The following PKD2L2 variants were observed in gnomAD, a reference collection of about 807,000 sequenced individuals.
PKD2L2 encodes polycystin-2-like protein 2.
Under a neutral mutation model 83.9 loss-of-function variants are expected in PKD2L2, and 67 were observed. The observed-to-expected ratio is 0.80, with a 90% CI of 0.66 to 0.98. The LOEUF (loss-of-function observed/expected upper bound fraction) is 0.98, where lower values mean the gene tolerates loss of function less well. Ranked by LOEUF, PKD2L2 falls within the 50% of genes least tolerant of loss-of-function variation. The pLI is 0.00. For synonymous variants in PKD2L2, 223 were observed against 237.8 expected, an observed-to-expected ratio of 0.94 and a Z score of 0.57; for missense variants, 632 against 717.2, an observed-to-expected ratio of 0.88 and a Z score of 1.36.
rs540239480 is a variant in PKD2L2 at position 137,889,656 on chromosome 5, T to G, written c.31+134T>G. 401 of 704,744 alleles carry G rather than the reference T, an allele frequency of 5.7e-4. 3 individuals are homozygous for G. In the South Asian group the frequency reaches 7.3e-3, roughly 13 times the overall value. The allele number at this position is 704,744 out of a possible 1,614,324, so 43.7% of individuals were successfully genotyped here. On this transcript the variant is annotated intron_variant, in intron 1 of 14. Coordinates refer to ENST00000508883, the MANE Select transcript of PKD2L2 (RefSeq NM_001300921.2). ...CACCTTTAGCCCTCACAGCCTCCCC[T>G]GGGGAAGCGGAGAGGGACAGATGGT...
intron 12 of PKD2L2, among the ~76,000 whole-genome samples, chr5:137,929,547 A>AC (rs1258657370): frequency 6.8e-6 from 1 of 147,644 alleles, no homozygotes; most frequent in South Asian, 2.1e-4. Flanking sequence ...AAAAAAAAAA[A>AC]AAAAAAAAAA....
intron 3 of PKD2L2, among the ~76,000 whole-genome samples, chr5:137,892,945 T>TA (rs1281814497): frequency 6.6e-6 from 1 of 152,074 alleles, no homozygotes; most frequent in Non-Finnish European, 1.5e-5. Context: ...TCGTCTCTAC[T>TA]AAAAAATACA....
chr5:137,913,855 TTTC>T (rs990107879), intron 8 of PKD2L2, among the ~76,000 whole-genome samples: 13 of 151,168 alleles, frequency 8.6e-5, no homozygotes, highest in Non-Finnish European at 1.6e-4. Context: ...CCAGCTTTTC[TTTC>T]TTTTTTCTTT....
At chr5:137,934,197 T>C (rs1760115460) in intron 12 of PKD2L2, among the ~76,000 whole-genome samples, 1 of 152,016 alleles carries the variant, frequency 6.6e-6, no homozygotes, top group African/African-American at 2.4e-5. Context: ...GAGCAGGACG[T>C]AGGAGCTTGG....
chr5:137,901,783 TTGTCGACAC>T (rs1260764265), intron 5 of PKD2L2, among the ~76,000 whole-genome samples: 1 of 152,140 alleles, frequency 6.6e-6, no homozygotes, highest in Non-Finnish European at 1.5e-5. Context: ...TTAGAAAGGA[TTGTCGACAC>T]TGTGGAAGAG....
At chr5:137,940,131 T>C (rs1258740314) in intron 14 of PKD2L2, 6 of 1,613,906 alleles carry the variant, frequency 3.7e-6, no homozygotes, top group Non-Finnish European at 4.2e-6. Flanking sequence ...TCTGAGTGCC[T>C]GACAAAACGA....
intron 5 of PKD2L2, among the ~76,000 whole-genome samples, chr5:137,899,947 G>GA (rs887628696): frequency 2.6e-5 from 4 of 151,420 alleles, no homozygotes; most frequent in South Asian, 2.1e-4. Flanking sequence ...TAGAAATACT[G>GA]AAAAAAAATT....
rs780029462 is a variant in PKD2L2, at chr5:137,889,475, T to C, written c.-17T>C. Reference sequence around the variant, plus strand: ...CGGCCTCAGGCGAACGAACGGGCGGTGTAGTGCAGGTCCGCCATGGCTGAG... The same window carrying C: ...CGGCCTCAGGCGAACGAACGGGCGGCGTAGTGCAGGTCCGCCATGGCTGAG... On this transcript the variant is annotated 5_prime_UTR_variant, in exon 1 of 15. Transcript: ENST00000508883. The C allele has an allele frequency of 7.0e-6, 11 of 1,579,354 alleles. No homozygotes were observed. The highest frequency in any genetic ancestry group is 9.4e-6 in the Non-Finnish European group (11 of 1,166,306).
intron 14 of PKD2L2, chr5:137,939,741 C>A: frequency 3.7e-6 from 2 of 534,852 alleles, no homozygotes; most frequent in Non-Finnish European, 5.0e-6. Context: ...TCTAGGAAAA[C>A]AGAGAACACA....
Position 137,936,317 on chromosome 5 carries a change from TAG to T in PKD2L2, c.1785-1_1785del. 2 of 1,529,798 alleles carry T rather than the reference TAG, an allele frequency of 1.3e-6. No individual in the cohort carries two copies. Among genetic ancestry groups the T allele is most frequent in the African/African-American group, 1.4e-5 (1 of 73,092 alleles). 94.8% of individuals were successfully genotyped at this position (1,529,798 alleles called of 1,614,324 possible). ...ATTCTCTACTTCCTTCGAAATTTTCTAGACTTTTTTTATATGCTGTGGAGCTG... is the reference window on the plus strand; with the variant it reads ...ATTCTCTACTTCCTTCGAAATTTTCTACTTTTTTTATATGCTGTGGAGCTG... On this transcript the variant is annotated splice_acceptor_variant, in intron 13 of 14. Transcript: ENST00000508883. LOFTEE classifies it high-confidence loss of function.
intron 8 of PKD2L2, among the ~76,000 whole-genome samples, chr5:137,914,431 G>C (rs11242398): frequency 0.74 from 112,274 of 152,098 alleles, 42,110 homozygotes; most frequent in East Asian, 0.97. Context: ...AAACACTTCT[G>C]GTTCCAAGCA....
chr5:137,895,908 G>A (rs1756422680), intron 4 of PKD2L2, among the ~76,000 whole-genome samples: 1 of 150,736 alleles, frequency 6.6e-6, no homozygotes, highest in Non-Finnish European at 1.5e-5. Flanking sequence ...CAAGTGTGGT[G>A]GCTCACACCT....
At chr5:137,906,006 A>G (rs939497460) in intron 5 of PKD2L2, among the ~76,000 whole-genome samples, 200 bp from the exon 6 acceptor site, 4 of 152,216 alleles carry the variant, frequency 2.6e-5, no homozygotes. Context: ...ATATTCAGGT[A>G]TAGAAAAAGT....
intron 4 of PKD2L2, among the ~76,000 whole-genome samples, chr5:137,897,726 C>T (rs746980202): frequency 6.6e-6 from 1 of 152,134 alleles, no homozygotes; most frequent in Non-Finnish European, 1.5e-5. Context: ...GTGGAAAACA[C>T]TCAAAAATAC....
intron 11 of PKD2L2, 82 bp downstream of exon 11, chr5:137,925,186 T>TTTTG (rs1238010079): frequency 7.8e-6 from 7 of 893,942 alleles, no homozygotes; most frequent in African/African-American, 3.4e-5. Context: ...TTTTTTTGTT[T>TTTTG]TTTGTTTGTT....
chr5:137,941,190 G>A (rs1223492150), intron 14 of PKD2L2, among the ~76,000 whole-genome samples: 2 of 152,092 alleles, frequency 1.3e-5, no homozygotes, highest in African/African-American at 2.4e-5. Context: ...TTACAGACGT[G>A]AGCCACTGCG....
At chr5:137,928,794 T>C (rs1400436416) in intron 12 of PKD2L2, among the ~76,000 whole-genome samples, 1 of 152,214 alleles carries the variant, frequency 6.6e-6, no homozygotes, top group African/African-American at 2.4e-5. Flanking sequence ...GGCCTTGAAC[T>C]TCTGGCCTTG....
At chr5:137,905,364 T>C (rs567215668) in intron 5 of PKD2L2, among the ~76,000 whole-genome samples, 2 of 152,320 alleles carry the variant, frequency 1.3e-5, no homozygotes, top group African/African-American at 2.4e-5. Context: ...TAGTCTACAC[T>C]TCAGATCATA....
At chr5:137,941,364 A>T (rs1037699282) in intron 14 of PKD2L2, among the ~76,000 whole-genome samples, 1 of 152,204 alleles carries the variant, frequency 6.6e-6, no homozygotes, top group Non-Finnish European at 1.5e-5. Flanking sequence ...GGCCTGAGAT[A>T]ACTGAACCCA....
Sources: gnomAD v4.1 joint callset for allele counts (sites outside exome capture counted in the v4.1 genomes callset) on GRCh38, gnomAD v4.1.1 for gene constraint, MANE v1.5 for transcripts, NCBI Gene and HGNC (gene_info 2026-07-23, HGNC 2026-07-21) for gene names.